The following L3HYPDH variants were observed in gnomAD, a reference collection of about 807,000 sequenced individuals.
L3HYPDH encodes trans-3-hydroxy-L-proline dehydratase.
A neutral mutation model predicts 26.5 loss-of-function variants in L3HYPDH; 32 were observed. That is an observed-to-expected ratio of 1.21 (90% confidence interval 0.91 to 1.62). The LOEUF (loss-of-function observed/expected upper bound fraction) is 1.62. Ranked by LOEUF, L3HYPDH falls within the 40% of genes most tolerant of loss-of-function variation. The pLI is 0.00. For synonymous variants in L3HYPDH, 215 were observed against 196.6 expected (o/e 1.09, Z -0.78); for missense variants, 554 against 476.4 (o/e 1.16, Z -1.52).
At chr14:59,500,966 G>A in the L3HYPDH span, 1 of 463,306 alleles carries the variant, frequency 2.2e-6, no homozygotes, top group Non-Finnish European at 3.8e-6. Context: ...TACAACTGCA[G>A]AGCTGGGTAA....
chr14:59,476,046 T>C, intron 3 of L3HYPDH, 40 bp from the exon 4 acceptor site: 4 of 1,613,798 alleles, frequency 2.5e-6, no homozygotes, highest in Non-Finnish European at 3.4e-6. Context: ...TCATAGTGTG[T>C]TCCATATTAC....
upstream of L3HYPDH, chr14:59,487,631 A>T: frequency 6.7e-7 from 1 of 1,499,674 alleles, no homozygotes; most frequent in Non-Finnish European, 9.3e-7. Context: ...TTAATGTTGT[A>T]AAATAATATC....
chr14:59,478,422 C>T (rs1594911954), intron 2 of L3HYPDH, among the ~76,000 whole-genome samples: 1 of 152,138 alleles, frequency 6.6e-6, no homozygotes, highest in East Asian at 1.9e-4. Context: ...CACACACTCA[C>T]ACAAACACAG....
chr14:59,491,035 G>C, the L3HYPDH span, among the ~76,000 whole-genome samples: 2 of 152,192 alleles, frequency 1.3e-5, no homozygotes, highest in Non-Finnish European at 2.9e-5. Flanking sequence ...GCTTTGCCTA[G>C]GAAATTGGTA....
chr14:59,479,623 G>A (rs972269549), intron 1 of L3HYPDH, among the ~76,000 whole-genome samples: 1 of 152,076 alleles, frequency 6.6e-6, no homozygotes, highest in Non-Finnish European at 1.5e-5. Context: ...TAACTTCCCT[G>A]AGGATCTTTT....
At chr14:59,491,460 G>A in the L3HYPDH span, among the ~76,000 whole-genome samples, 1 of 152,184 alleles carries the variant, frequency 6.6e-6, no homozygotes, top group African/African-American at 2.4e-5. Flanking sequence ...CAAAGTAATG[G>A]CAAGAAATAA....
At chr14:59,501,413 T>C in the L3HYPDH span, 1 of 585,086 alleles carries the variant, frequency 1.7e-6, no homozygotes, top group Non-Finnish European at 2.9e-6. Flanking sequence ...TTTTGGCTTG[T>C]TAACTTTATG....
At position 59,480,993 on chromosome 14, in the gene L3HYPDH, G is replaced by A. The variant is rs150073802; in HGVS notation, c.509-1642C>T. 2.8e-3 allele frequency among the ~76,000 whole-genome samples: 420 copies of A among 152,218 alleles called. 1 individual carries two copies. Among genetic ancestry groups the A allele is most frequent in the African/African-American group, 9.7e-3 (404 of 41,530 alleles). ...TCCCTTGATTGTAACAACTAAATGG[G>A]GCATTGGCCACCAATCCCGGGACCA... is the stretch of plus-strand genomic sequence containing the variant. On this transcript the variant is annotated intron_variant, in intron 1 of 4. Coordinates refer to ENST00000247194, the MANE Select transcript of L3HYPDH (RefSeq NM_144581.2).
chr14:59,465,848 G>A (rs1423716836), intron 1 of L3HYPDH, among the ~76,000 whole-genome samples: 18 of 152,182 alleles, frequency 1.2e-4, no homozygotes. Context: ...CATAGAGGGC[G>A]TGTTAAAATA....
chr14:59,489,367 C>T (rs1329334802), upstream of L3HYPDH, among the ~76,000 whole-genome samples: 3 of 152,214 alleles, frequency 2.0e-5, no homozygotes, highest in African/African-American at 7.2e-5. Context: ...GACATGGACA[C>T]AATGCAGCAG....
chr14:59,470,955 C>CGGGGGGGGGGGG (rs57974393), downstream of L3HYPDH, among the ~76,000 whole-genome samples: 2 of 56,094 alleles, frequency 3.6e-5, no homozygotes, highest in Non-Finnish European at 3.4e-5. Context: ...TGGCTGGGGG[C>CGGGGGGGGGGGG]GGGGGGGGGG....
At chr14:59,498,086 G>C in the L3HYPDH span, among the ~76,000 whole-genome samples, 1 of 151,910 alleles carries the variant, frequency 6.6e-6, no homozygotes, top group Admixed American at 6.6e-5. Context: ...TTCAAAAACA[G>C]AATAAAAGCA....
At position 59,475,887 on chromosome 14, in the gene L3HYPDH, G is replaced by A. The variant is rs1889591085; in HGVS notation, c.921C>T (p.Phe307=). Residue 307 remains phenylalanine, a synonymous_variant, in exon 4 of 5, where the codon TTC becomes TTT. Transcript: ENST00000247194. ...CACTTACCCTCACAGCTTTCCCTGT[G>A]AATACTGAGCCAGTTGCACTGCTTT... ...AFKSSATGSV[F]TGKAVREAKC... 3 of 1,612,900 alleles carry A rather than the reference G, an allele frequency of 1.9e-6. No individual in the cohort carries two copies. Among genetic ancestry groups the A allele is most frequent in the Non-Finnish European group, 8.5e-7 (1 of 1,179,724 alleles).
At chr14:59,503,850 A>T in the L3HYPDH span, 9 of 1,592,262 alleles carry the variant, frequency 5.7e-6, no homozygotes, top group Non-Finnish European at 7.7e-6. Context: ...ACAAAATTAT[A>T]TAGAACTGCT....
chr14:59,469,558 T>TAAAAAA (rs36113229), downstream of L3HYPDH, among the ~76,000 whole-genome samples: 24 of 43,312 alleles, frequency 5.5e-4, 1 homozygote, highest in African/African-American at 1.6e-3. Flanking sequence ...TCCATCTCAT[T>TAAAAAA]AAAAAAAAAA....
chr14:59,500,467 G>A, the L3HYPDH span, among the ~76,000 whole-genome samples: 1 of 152,034 alleles, frequency 6.6e-6, no homozygotes, highest in Non-Finnish European at 1.5e-5. Context: ...GTGTTTTAGA[G>A]GAAAAAATTT....
At chr14:59,496,752 C>A in the L3HYPDH span, among the ~76,000 whole-genome samples, 1 of 152,154 alleles carries the variant, frequency 6.6e-6, no homozygotes, top group African/African-American at 2.4e-5. Flanking sequence ...TTCACTATCC[C>A]TGAATCAAGA....
At chr14:59,473,830 C>T (rs1303565629) in intron 4 of L3HYPDH, among the ~76,000 whole-genome samples, 4 of 151,842 alleles carry the variant, frequency 2.6e-5, no homozygotes, top group Non-Finnish European at 4.4e-5. Context: ...GATGAAGTGA[C>T]GGTAACATCT....
Position 59,479,165 on chromosome 14 carries a change from G to A in L3HYPDH, c.678+17C>T, listed in dbSNP as rs547183713. 15 of 1,565,272 alleles carry A rather than the reference G, an allele frequency of 9.6e-6. No individual in the cohort carries two copies. Among genetic ancestry groups the A allele is most frequent in the Non-Finnish European group, 1.3e-5 (15 of 1,159,074 alleles). ...CACAGAGAAGGGAATTGGTTATGAA[G>A]GCAGAGTATTACTGACCTGAGCTTT... On this transcript the variant is annotated intron_variant, in intron 2 of 4. Transcript: ENST00000247194.
Sources: gnomAD v4.1 joint callset for allele counts (sites outside exome capture counted in the v4.1 genomes callset) on GRCh38, gnomAD v4.1.1 for gene constraint, MANE v1.5 for transcripts, NCBI Gene and HGNC (gene_info 2026-07-23, HGNC 2026-07-21) for gene names.